PCDHGA9: variants seen among roughly 807,000 people sequenced by gnomAD.
The protein encoded by PCDHGA9 is protocadherin gamma subfamily A, 9.
A neutral mutation model predicts 62.5 loss-of-function variants in PCDHGA9; 37 were observed. The ratio of observed to expected loss-of-function variants is 0.59; its 90% CI spans 0.46 to 0.78. The LOEUF is 0.78. PCDHGA9 is among the 30% of genes least tolerant of loss of function. The probability of loss-of-function intolerance (pLI) is 0.00; values close to 1 mark genes in which losing one functional copy is unlikely to be tolerated. For missense variants in PCDHGA9, 1,138 were observed against 1,166.2 expected (o/e 0.98, Z 0.35); for synonymous variants, 459 against 484.6 (o/e 0.95, Z 0.69).
intron 2 of PCDHGA9, among the ~76,000 whole-genome samples, chr5:141,502,845 T>G (rs2099816267): frequency 6.8e-6 from 1 of 147,606 alleles, no homozygotes; most frequent in South Asian, 2.1e-4. Context: ...CTGGCTGAGC[T>G]GCCTAACCCT....
chr5:141,413,490 G>T (rs1255775347), intron 1 of PCDHGA9: 2 of 1,614,070 alleles, frequency 1.2e-6, no homozygotes, highest in Admixed American at 3.3e-5. Flanking sequence ...AGAGCGCGCG[G>T]TGCGTGGTGA....
intron 1 of PCDHGA9, among the ~76,000 whole-genome samples, chr5:141,458,809 T>G (rs2098953834): frequency 6.6e-6 from 1 of 152,190 alleles, no homozygotes; most frequent in Non-Finnish European, 1.5e-5. Flanking sequence ...CTCAGCTCAC[T>G]GCAACCTCTG....
chr5:141,422,272 A>T, intron 1 of PCDHGA9: 13 of 1,561,362 alleles, frequency 8.3e-6, no homozygotes, highest in Non-Finnish European at 1.1e-5. Context: ...TCCAGAAATA[A>T]CTATCACCTC....
At chr5:141,447,549 A>T (rs1387130901) in intron 1 of PCDHGA9, among the ~76,000 whole-genome samples, 1 of 152,216 alleles carries the variant, frequency 6.6e-6, no homozygotes, top group Non-Finnish European at 1.5e-5. Context: ...TAATGTTATG[A>T]GTACACTTGG....
In PCDHGA9 at chr5:141,502,866, C is replaced by CTTTTTTTTTT. The variant is rs549047197; in HGVS notation, c.2484-2522_2484-2513dup. On this transcript the variant is annotated intron_variant, in intron 2 of 3. Transcript: ENST00000573521. ...GAGCTGCCTAACCCTGACTCTCTGT[C>CTTTTTTTTTT]TTTTTTTTTTTTTTGACAGGGAGTC... 1.9e-3 allele frequency among the ~76,000 whole-genome samples: 240 copies of CTTTTTTTTTT among 127,966 alleles called. 11 individuals are homozygous for CTTTTTTTTTT. The highest frequency in any genetic ancestry group is 3.5e-3 in the Admixed American group (41 of 11,656). The allele number at this position is 127,966 out of a possible 152,430, so 84.0% of individuals were successfully genotyped here.
chr5:141,503,556 G>A (rs1021346255), intron 2 of PCDHGA9, among the ~76,000 whole-genome samples: 1 of 145,962 alleles, frequency 6.9e-6, no homozygotes, highest in East Asian at 2.0e-4. Context: ...CCGAGATCGC[G>A]CCACTGTACT....
At chr5:141,448,602 A>G (rs1350132402) in intron 1 of PCDHGA9, among the ~76,000 whole-genome samples, 1 of 152,154 alleles carries the variant, frequency 6.6e-6, no homozygotes, top group Non-Finnish European at 1.5e-5. Flanking sequence ...AAAATACTAT[A>G]CACCACTTTA....
In PCDHGA9 at chr5:141,432,476, A is replaced by C; in HGVS notation, c.2424+27100A>C. 6.2e-7 allele frequency: 1 copy of C among 1,614,080 alleles called. No homozygotes were observed. The highest frequency in any genetic ancestry group is 8.5e-7 in the Non-Finnish European group (1 of 1,180,012). Reference sequence around the variant, plus strand: ...CCCCGCCCTCCCCACGGACGGTTCCACTGGCGTGGAGCTGGCTCCCCGCTC... The same window carrying C: ...CCCCGCCCTCCCCACGGACGGTTCCCCTGGCGTGGAGCTGGCTCCCCGCTC... On this transcript the variant is annotated intron_variant, in intron 1 of 3. Transcript: ENST00000573521. The surrounding 1 kb of genome is among the most constrained non-coding windows in gnomAD (Gnocchi z 6.0).
chr5:141,410,320 C>T (rs752279818), intron 1 of PCDHGA9: 54 of 1,613,880 alleles, frequency 3.3e-5, no homozygotes, highest in Non-Finnish European at 4.5e-5. Context: ...TCCTCCTCGC[C>T]GTGATTCTGG....
chr5:141,484,236 G>C (rs1272971014), intron 1 of PCDHGA9, among the ~76,000 whole-genome samples: 2 of 152,132 alleles, frequency 1.3e-5, no homozygotes, highest in Non-Finnish European at 2.9e-5. Context: ...AAGAGATCTG[G>C]TCCTTAGCAC....
intron 1 of PCDHGA9, among the ~76,000 whole-genome samples, chr5:141,459,692 G>A (rs891511502): frequency 2.6e-5 from 4 of 152,134 alleles, no homozygotes; most frequent in African/African-American, 9.7e-5. Flanking sequence ...AAAGCGTTCC[G>A]CTTGCTACAT....
chr5:141,419,884 C>A lies in PCDHGA9; in HGVS notation c.2424+14508C>A. 1 of 1,614,088 alleles carries A rather than the reference C, an allele frequency of 6.2e-7. No individual in the cohort carries two copies. The highest frequency in any genetic ancestry group is 8.5e-7 in the Non-Finnish European group (1 of 1,179,896). On this transcript the variant is annotated intron_variant, in intron 1 of 3. Transcript: ENST00000573521. ...GCTTGCAAGAGGTACTGCCGGATTT[C>A]AGCGACCATCCCACACCCTCTGACT... is the stretch of plus-strand genomic sequence containing the variant.
At chr5:141,427,940 C>T (rs1391166364) in intron 1 of PCDHGA9, 1 of 1,585,904 alleles carries the variant, frequency 6.3e-7, no homozygotes. Context: ...TGGTGGGCGA[C>T]CTCAATGACA....
intron 1 of PCDHGA9, among the ~76,000 whole-genome samples, chr5:141,456,250 C>T (rs1244300374): frequency 4.6e-5 from 7 of 152,014 alleles, no homozygotes; most frequent in African/African-American, 1.7e-4. Context: ...AGGCTTTGGG[C>T]GACCATTGCT....
At chr5:141,419,663 G>A in intron 1 of PCDHGA9, 1 of 1,612,826 alleles carries the variant, frequency 6.2e-7, no homozygotes, top group Non-Finnish European at 8.5e-7. Flanking sequence ...GGGGCACAAT[G>A]CCTGGCTGTC....
intron 1 of PCDHGA9, chr5:141,423,333 C>T (rs761192305): frequency 3.1e-6 from 5 of 1,614,184 alleles, no homozygotes; most frequent in Non-Finnish European, 4.2e-6. Context: ...CCGCAGTCTC[C>T]TGCATCTTCC....
intron 1 of PCDHGA9, among the ~76,000 whole-genome samples, chr5:141,437,164 T>C (rs1262289843): frequency 1.3e-5 from 2 of 152,226 alleles, no homozygotes; most frequent in Non-Finnish European, 2.9e-5. Flanking sequence ...GTGTTGATTG[T>C]TTTCTGAGAC....
At chr5:141,458,988 C>T (rs996478276) in intron 1 of PCDHGA9, among the ~76,000 whole-genome samples, 1 of 152,208 alleles carries the variant, frequency 6.6e-6, no homozygotes, top group South Asian at 2.1e-4. Context: ...CTGCCTCACC[C>T]TCCCAAAGTG....
chr5:141,450,669 T>C (rs2098689726), intron 1 of PCDHGA9, among the ~76,000 whole-genome samples: 1 of 151,904 alleles, frequency 6.6e-6, no homozygotes, highest in Admixed American at 6.6e-5. Context: ...GTACTTTTAG[T>C]AGAAACGGGG....
Sources: allele counts gnomAD v4.1 joint callset (sites outside exome capture counted in the v4.1 genomes callset), GRCh38; gene constraint gnomAD v4.1.1; non-coding constraint Gnocchi (gnomAD v3.1); transcripts MANE v1.5; gene names NCBI Gene and HGNC (gene_info 2026-07-23, HGNC 2026-07-21).